Variants in RUNX1T1 observed in about 807,000 individuals in gnomAD.
The protein encoded by RUNX1T1 is RUNX1 partner transcriptional co-repressor 1.
Under a neutral mutation model 62.8 loss-of-function variants are expected in RUNX1T1, and 4 were observed. That is an observed-to-expected ratio of 0.06 (90% CI 0.03 to 0.15). The LOEUF is 0.15. RUNX1T1 is among the 10% of genes least tolerant of loss of function. RUNX1T1 has a pLI of 1.00. For missense variants in RUNX1T1, 508 were observed against 754.3 expected, an observed-to-expected ratio of 0.67 and a Z score of 3.82; for synonymous variants, 291 against 286.0, an observed-to-expected ratio of 1.02 and a Z score of -0.18.
intron 1 of RUNX1T1, among the ~76,000 whole-genome samples, chr8:92,040,632 C>A (rs1400696397): frequency 6.6e-6 from 1 of 152,214 alleles, no homozygotes; most frequent in African/African-American, 2.4e-5. Flanking sequence ...CTCTACTGTG[C>A]TTTCAAAGCC....
chr8:92,056,092 A>G (rs893110618), intron 1 of RUNX1T1, among the ~76,000 whole-genome samples: 3 of 152,216 alleles, frequency 2.0e-5, no homozygotes, highest in African/African-American at 7.2e-5. Flanking sequence ...TTTACTATGT[A>G]TTTTCCTCCT....
chr8:91,971,602 G>A (rs554811540), intron 9 of RUNX1T1, among the ~76,000 whole-genome samples: 11 of 152,242 alleles, frequency 7.2e-5, no homozygotes, highest in African/African-American at 2.6e-4. Flanking sequence ...ATATAAATAT[G>A]TGCCTTTATA....
At chr8:92,097,516 A>C (rs928225500) in intron 1 of RUNX1T1, among the ~76,000 whole-genome samples, 12 of 152,098 alleles carry the variant, frequency 7.9e-5, no homozygotes, top group Non-Finnish European at 1.6e-4. Context: ...GACTACATAC[A>C]AACACCTAAA....
At chr8:92,017,274 G>C (rs1366282310) in exon 2 of RUNX1T1, 3 of 1,613,960 alleles carry the variant, frequency 1.9e-6, no homozygotes, top group African/African-American at 2.7e-5. Flanking sequence ...TGAGTAGTTG[G>C]GGGAGGTGGC....
At chr8:92,006,457 C>G (rs1820793647) in intron 4 of RUNX1T1, 1 of 152,066 alleles carries the variant, frequency 6.6e-6, no homozygotes, top group Non-Finnish European at 1.5e-5. Context: ...GGTAGAAAAG[C>G]ATTTCTGAAT....
chr8:91,959,509 T>C, exon 11 of RUNX1T1: 1 of 195,476 alleles, frequency 5.1e-6, no homozygotes, highest in Non-Finnish European at 1.1e-5. Flanking sequence ...TATATATATA[T>C]ATATATGGAG....
intron 2 of RUNX1T1, among the ~76,000 whole-genome samples, chr8:92,071,731 C>T (rs142220982): frequency 1.8e-4 from 27 of 152,232 alleles, no homozygotes; most frequent in African/African-American, 6.3e-4. Flanking sequence ...TCACACACTC[C>T]CAGCCTGACT....
intron 2 of RUNX1T1, among the ~76,000 whole-genome samples, chr8:92,073,511 C>T (rs993676413): frequency 7.9e-5 from 12 of 152,108 alleles, no homozygotes; most frequent in African/African-American, 2.7e-4. Flanking sequence ...CATGGATAGT[C>T]CTTTGCTTTA....
At chr8:92,028,561 A>G (rs982409804) in intron 1 of RUNX1T1, among the ~76,000 whole-genome samples, 4 of 152,172 alleles carry the variant, frequency 2.6e-5, no homozygotes, top group African/African-American at 9.7e-5. Flanking sequence ...AAGTCAATAC[A>G]CTTCAAATAG....
chr8:92,040,101 C>A lies in RUNX1T1; in HGVS notation c.7+22445G>T, dbSNP rs184353467. On this transcript the variant is annotated intron_variant, in intron 1 of 10. Coordinates refer to ENST00000396218, the Ensembl canonical transcript of RUNX1T1. ...ACTTTCTCACAGCATATGCTCCAGC[C>A]CTGGCAATTCATACCAGGTCATGGT... Among the ~76,000 whole-genome samples, 54 of 152,234 alleles carry A rather than the reference C, an allele frequency of 3.5e-4. 1 individual carries two copies. Among genetic ancestry groups the A allele is most frequent in the African/African-American group, 1.3e-3 (52 of 41,558 alleles).
At chr8:91,960,585 T>C in intron 10 of RUNX1T1, 68 bp from the exon 12 acceptor site, 3 of 1,507,928 alleles carry the variant, frequency 2.0e-6, no homozygotes, top group Non-Finnish European at 2.7e-6. Flanking sequence ...GTCTGACAAA[T>C]ATGTTAGGCA....
At chr8:92,077,327 T>C (rs555499543) in intron 1 of RUNX1T1, among the ~76,000 whole-genome samples, 68 of 152,222 alleles carry the variant, frequency 4.5e-4, no homozygotes, top group African/African-American at 1.5e-3. Context: ...TAGCTTACTA[T>C]AAATACTAAC....
chr8:92,015,007 T>TA (rs1822714918), intron 2 of RUNX1T1, among the ~76,000 whole-genome samples, 187 bp from the exon 4 acceptor site: 1 of 152,250 alleles, frequency 6.6e-6, no homozygotes, highest in African/African-American at 2.4e-5. Context: ...TAAATGGGTC[T>TA]ACTCCTCATA....
chr8:92,007,284 G>A (rs1446399953), intron 4 of RUNX1T1, among the ~76,000 whole-genome samples: 5 of 152,022 alleles, frequency 3.3e-5, no homozygotes, highest in South Asian at 4.2e-4. Flanking sequence ...TGGCCAACAT[G>A]GTGAAACCCC....
chr8:92,012,558 TA>T (rs563097749), intron 3 of RUNX1T1, among the ~76,000 whole-genome samples: 10 of 151,000 alleles, frequency 6.6e-5, no homozygotes, highest in South Asian at 2.1e-4. Context: ...AAAAAATTAC[TA>T]AAAAAAAATG....
chr8:92,033,882 T>C (rs1021733481), intron 1 of RUNX1T1, among the ~76,000 whole-genome samples: 11 of 152,064 alleles, frequency 7.2e-5, no homozygotes, highest in Admixed American at 2.6e-4. Flanking sequence ...GGCAGAAGAA[T>C]TGTTTGAACC....
chr8:92,002,747 CAGACCA>C (rs1563726492), intron 5 of RUNX1T1, among the ~76,000 whole-genome samples: 1 of 152,134 alleles, frequency 6.6e-6, no homozygotes, highest in Non-Finnish European at 1.5e-5. Context: ...TCATCCATGT[CAGACCA>C]TATGCACCAA....
chr8:92,001,165 A>G (rs564691962), intron 5 of RUNX1T1, among the ~76,000 whole-genome samples: 1 of 152,312 alleles, frequency 6.6e-6, no homozygotes, highest in African/African-American at 2.4e-5. Flanking sequence ...GTCTTAAAAA[A>G]AAAAATACAG....
At chr8:92,023,048 A>G (rs929211058) in intron 1 of RUNX1T1, among the ~76,000 whole-genome samples, 1 of 152,114 alleles carries the variant, frequency 6.6e-6, no homozygotes, top group African/African-American at 2.4e-5. Flanking sequence ...TTCTTTCTCA[A>G]TAGCAGGCTT....
Sources: allele counts gnomAD v4.1 joint callset (sites outside exome capture counted in the v4.1 genomes callset), GRCh38; gene constraint gnomAD v4.1.1; transcripts MANE v1.5; gene names NCBI Gene and HGNC (gene_info 2026-07-23, HGNC 2026-07-21).